FARSB: variants seen among roughly 807,000 people sequenced by gnomAD.
The protein encoded by FARSB is phenylalanyl-tRNA synthetase subunit beta.
A neutral mutation model predicts 69.6 loss-of-function variants in FARSB; 40 were observed. The observed-to-expected ratio is 0.57, with a 90% CI of 0.45 to 0.75. The LOEUF (loss-of-function observed/expected upper bound fraction) is 0.75. Ranked by LOEUF, FARSB falls within the 30% of genes least tolerant of loss-of-function variation. The pLI, the probability that FARSB is intolerant of heterozygous loss-of-function variation, is 0.00. For synonymous variants in FARSB, 235 were observed against 247.2 expected, an observed-to-expected ratio of 0.95 and a Z score of 0.46; for missense variants, 632 against 722.9, an observed-to-expected ratio of 0.87 and a Z score of 1.44.
intron 5 of FARSB, among the ~76,000 whole-genome samples, chr2:222,635,526 T>A (rs535547010): frequency 6.6e-6 from 1 of 152,188 alleles, no homozygotes; most frequent in Non-Finnish European, 1.5e-5. Flanking sequence ...CCCAGAACTA[T>A]CATAGGATAA....
intron 15 of FARSB, among the ~76,000 whole-genome samples, chr2:222,600,712 T>G (rs116130848): frequency 6.6e-6 from 1 of 152,162 alleles, no homozygotes; most frequent in African/African-American, 2.4e-5. Context: ...AGAACAAACA[T>G]AGATTGGAAA....
intron 16 of FARSB, among the ~76,000 whole-genome samples, chr2:222,572,735 T>C (rs1053270948): frequency 2.0e-5 from 3 of 152,178 alleles, no homozygotes; most frequent in Non-Finnish European, 2.9e-5. Flanking sequence ...AAGTTCTCTT[T>C]ATCTGGGTGC....
At position 222,570,759 on chromosome 2, in the gene FARSB, G is replaced by A. The variant is rs1427760722; in HGVS notation, c.*1112C>T. 6.6e-6 allele frequency: 1 copy of A among 152,126 alleles called. No individual in the cohort carries two copies. Among genetic ancestry groups the A allele is most frequent in the African/African-American group, 2.4e-5 (1 of 41,410 alleles). The allele number at this position is 152,126 out of a possible 1,614,324, so 9.4% of individuals were successfully genotyped here. A position where few individuals can be genotyped will look rare whatever the true frequency, so the allele number is the denominator to read the frequency against. On this transcript the variant is annotated 3_prime_UTR_variant, in exon 17 of 17. Coordinates refer to ENST00000281828, the MANE Select transcript of FARSB (RefSeq NM_005687.5). ...GCTGATCTCGAACTATTGGCCTCAA[G>A]TGATCTGCCCACCTCAGCCTCCCAA...
chr2:222,582,874 G>A (rs143551816), intron 16 of FARSB, among the ~76,000 whole-genome samples: 5,774 of 151,206 alleles, frequency 0.038, 169 homozygotes, highest in African/African-American at 0.079. Flanking sequence ...GCAGTGAGCC[G>A]AGATCACGCC....
chr2:222,655,948 G>C, intron 1 of FARSB, 68 bp downstream of exon 1: 1 of 1,272,394 alleles, frequency 7.9e-7, no homozygotes, highest in South Asian at 1.3e-5. Flanking sequence ...TCGCCACATT[G>C]CCCTTTTGGA....
In FARSB at chr2:222,643,012, C is replaced by A; in HGVS notation, c.115-7G>T. 1.3e-6 allele frequency: 2 copies of A among 1,546,120 alleles called. No homozygotes were observed. Among genetic ancestry groups the A allele is most frequent in the Non-Finnish European group, 8.8e-7 (1 of 1,138,596 alleles). On this transcript the variant is annotated splice_region_variant and splice_polypyrimidine_tract_variant and intron_variant, in intron 2 of 16. Transcript: ENST00000281828. ...TTATTTCCTTCTCAGATGTCTAAAA[C>A]AAGCCAAAAAGTAATGATAAAAATT...
At chr2:222,590,424 T>A (rs1690238381) in intron 16 of FARSB, among the ~76,000 whole-genome samples, 1 of 151,452 alleles carries the variant, frequency 6.6e-6, no homozygotes, top group African/African-American at 2.4e-5. Flanking sequence ...AAATGACAAG[T>A]TAATGGTTGC....
At position 222,634,329 on chromosome 2, in the gene FARSB, T is replaced by C. The variant is rs540920312; in HGVS notation, c.606+62A>G. The C allele has an allele frequency of 8.5e-5, 105 of 1,238,158 alleles. 1 individual carries two copies. The Middle Eastern group carries it at 1.1e-3, about 13-fold the overall frequency. The allele number at this position is 1,238,158 out of a possible 1,614,324, so 76.7% of individuals were successfully genotyped here. A position where few individuals can be genotyped will look rare whatever the true frequency, so the allele number is the denominator to read the frequency against. ...GATTACATTTCCCTAGTTGCAAGGC[T>C]TGACTTTGATGGAATTTCATGATTT... On this transcript the variant is annotated intron_variant, in intron 6 of 16. Transcript: ENST00000281828.
At chr2:222,630,030 C>A in intron 9 of FARSB, 83 bp downstream of exon 9, 1 of 835,364 alleles carries the variant, frequency 1.2e-6, no homozygotes, top group Non-Finnish European at 1.9e-6. Context: ...TGTGAGCCAC[C>A]GCACCTGGCC....
chr2:222,655,713 T>A (rs1574961829), intron 1 of FARSB, among the ~76,000 whole-genome samples: 1 of 152,190 alleles, frequency 6.6e-6, no homozygotes, highest in Admixed American at 6.5e-5. Context: ...CAACCCCGGG[T>A]TTCCTTCCTG....
At chr2:222,604,893 A>G (rs1239292643) in intron 15 of FARSB, among the ~76,000 whole-genome samples, 1 of 152,016 alleles carries the variant, frequency 6.6e-6, no homozygotes, top group African/African-American at 2.4e-5. Context: ...TTTTCTGAGT[A>G]AATGCCTACA....
intron 2 of FARSB, among the ~76,000 whole-genome samples, chr2:222,645,679 T>C (rs1691834899): frequency 6.6e-6 from 1 of 152,084 alleles, no homozygotes; most frequent in African/African-American, 2.4e-5. Flanking sequence ...TAGATTTTCT[T>C]ACATAATACG....
chr2:222,585,630 A>C (rs982882583), intron 16 of FARSB, among the ~76,000 whole-genome samples: 2 of 152,254 alleles, frequency 1.3e-5, no homozygotes, highest in Non-Finnish European at 2.9e-5. Context: ...CCTTGAAAAA[A>C]GATTAGAATG....
In FARSB at chr2:222,570,405, CAG is replaced by C. The variant is rs1168534407; in HGVS notation, c.*1464_*1465del. 1 of 152,180 alleles carries C rather than the reference CAG, an allele frequency of 6.6e-6. No homozygotes were observed. The highest frequency in any genetic ancestry group is 1.5e-5 in the Non-Finnish European group (1 of 68,024). The allele number at this position is 152,180 out of a possible 1,614,324, so 9.4% of individuals were successfully genotyped here. On this transcript the variant is annotated 3_prime_UTR_variant, in exon 17 of 17. Coordinates refer to ENST00000281828, the MANE Select transcript of FARSB (RefSeq NM_005687.5). ...GAAGTGTGTGTGTTCACAAATCTTA[CAG>C]AGTTAGACACTGCTGCCCCAATTCA... is the stretch of plus-strand genomic sequence containing the variant.
rs539644911 is a variant in FARSB, at chr2:222,651,193, G to A, written c.59-2398C>T. 7.2e-5 allele frequency among the ~76,000 whole-genome samples: 11 copies of A among 152,240 alleles called. No individual in the cohort carries two copies. In the East Asian group the frequency reaches 1.2e-3, roughly 16 times the overall value. Reference sequence around the variant, plus strand: ...AGAGGAATCCTGGTTAAGAAGAGGCGGAAGGCTTAGCAACACCATTCCTTG... The same window carrying A: ...AGAGGAATCCTGGTTAAGAAGAGGCAGAAGGCTTAGCAACACCATTCCTTG... On this transcript the variant is annotated intron_variant, in intron 1 of 16. Transcript: ENST00000281828.
intron 10 of FARSB, among the ~76,000 whole-genome samples, chr2:222,627,166 C>G (rs1013153016): frequency 6.6e-6 from 1 of 152,184 alleles, no homozygotes; most frequent in African/African-American, 2.4e-5. Context: ...AAATTTCTCC[C>G]CTCTCTGTAT....
At chr2:222,612,029 A>G (rs1449308666) in intron 15 of FARSB, among the ~76,000 whole-genome samples, 1 of 152,222 alleles carries the variant, frequency 6.6e-6, no homozygotes, top group Non-Finnish European at 1.5e-5. Context: ...ACATGAACAG[A>G]TCATCAAGGA....
At chr2:222,601,899 G>C (rs778045319) in intron 15 of FARSB, among the ~76,000 whole-genome samples, 21 of 152,156 alleles carry the variant, frequency 1.4e-4, no homozygotes, top group Non-Finnish European at 2.4e-4. Flanking sequence ...CTGGGCTCAA[G>C]TGATCCTCCT....
At chr2:222,575,653 T>C (rs564924645) in intron 16 of FARSB, among the ~76,000 whole-genome samples, 1 of 152,280 alleles carries the variant, frequency 6.6e-6, no homozygotes, top group South Asian at 2.1e-4. Context: ...GTGGGGGAAA[T>C]AGTGTTCTCT....
Sources: allele counts gnomAD v4.1 joint callset (sites outside exome capture counted in the v4.1 genomes callset), GRCh38; gene constraint gnomAD v4.1.1; transcripts MANE v1.5; gene names NCBI Gene and HGNC (gene_info 2026-07-23, HGNC 2026-07-21).